Variants in STX18 observed in about 807,000 individuals in gnomAD.
The protein encoded by STX18 is syntaxin-18.
Under a neutral mutation model 50.1 loss-of-function variants are expected in STX18, and 40 were observed. The observed-to-expected ratio is 0.80, with a 90% CI of 0.62 to 1.04. The LOEUF is 1.04. Ranked by LOEUF, STX18 falls within the 50% of genes least tolerant of loss-of-function variation. The pLI is 0.00. For synonymous variants in STX18, 158 were observed against 151.8 expected, an observed-to-expected ratio of 1.04 and a Z score of -0.30; for missense variants, 410 against 415.8, an observed-to-expected ratio of 0.99 and a Z score of 0.12.
chr4:4,472,885 T>A (rs750733514), intron 1 of STX18, among the ~76,000 whole-genome samples: 5 of 152,188 alleles, frequency 3.3e-5, no homozygotes, highest in Non-Finnish European at 7.3e-5. Context: ...ATTTCCCACA[T>A]AGTCTAGACT....
At chr4:4,426,786 T>C (rs767269367) in intron 7 of STX18, among the ~76,000 whole-genome samples, 6 of 152,190 alleles carry the variant, frequency 3.9e-5, no homozygotes, top group Non-Finnish European at 1.5e-5. Flanking sequence ...TGATCTCAAG[T>C]GCTGGTCATG....
chr4:4,471,726 C>G lies in STX18; in HGVS notation c.169-20G>C. 1.3e-6 allele frequency: 2 copies of G among 1,541,238 alleles called. No individual in the cohort carries two copies. The highest frequency in any genetic ancestry group is 1.7e-4 in the Middle Eastern group (1 of 5,766). ...AGAAATCTAAAATTAAAAAAGAAAGCCAACAGTTTATATAGATATGTTACA... is the reference window on the plus strand; with the variant it reads ...AGAAATCTAAAATTAAAAAAGAAAGGCAACAGTTTATATAGATATGTTACA... On this transcript the variant is annotated intron_variant, in intron 1 of 10. Coordinates refer to ENST00000306200, the MANE Select transcript of STX18 (RefSeq NM_016930.4).
Position 4,498,562 on chromosome 4 carries a change from T to C in STX18, c.169-26856A>G, listed in dbSNP as rs182301887. Among the ~76,000 whole-genome samples the C allele has an allele frequency of 3.0e-3, 464 of 152,310 alleles. 3 individuals are homozygous for C. The highest frequency in any genetic ancestry group is 0.011 in the African/African-American group (445 of 41,584). On this transcript the variant is annotated intron_variant, in intron 1 of 10. Transcript: ENST00000306200. ...ACCTGTGTTTGGATTATCTATATCA[T>C]TGCTCCAATCCAAAATCAAAGACTT...
intron 1 of STX18, among the ~76,000 whole-genome samples, chr4:4,511,872 A>G (rs964101423): frequency 3.3e-5 from 5 of 152,020 alleles, no homozygotes; most frequent in African/African-American, 4.8e-5. Context: ...GGATGGGTTA[A>G]AGTTCAGGTT....
chr4:4,471,509 C>T (rs1402138279), intron 2 of STX18, 130 bp downstream of exon 2: 2 of 579,498 alleles, frequency 3.5e-6, no homozygotes, highest in East Asian at 6.3e-5. Context: ...GATTTTTCCA[C>T]TGCCAAACTG....
intron 5 of STX18, 74 bp downstream of exon 5, chr4:4,457,117 G>A: frequency 7.4e-7 from 1 of 1,359,936 alleles, no homozygotes; most frequent in Non-Finnish European, 1.0e-6. Context: ...TAGGGTAAGT[G>A]CTCTACAAAC....
intron 5 of STX18, among the ~76,000 whole-genome samples, chr4:4,438,779 T>C (rs1452422172): frequency 6.6e-6 from 1 of 151,894 alleles, no homozygotes; most frequent in Non-Finnish European, 1.5e-5. Flanking sequence ...CTGCAGTTGG[T>C]ATGTGCTGAA....
intron 1 of STX18, among the ~76,000 whole-genome samples, chr4:4,527,191 A>G (rs950682128): frequency 2.0e-5 from 3 of 152,194 alleles, no homozygotes; most frequent in Non-Finnish European, 4.4e-5. Context: ...CCAATCAACC[A>G]TCACATTCTA....
At chr4:4,466,162 C>T (rs1015694937) in intron 2 of STX18, among the ~76,000 whole-genome samples, 4 of 152,056 alleles carry the variant, frequency 2.6e-5, no homozygotes, top group African/African-American at 9.7e-5. Flanking sequence ...GGAGAGATGG[C>T]TTTCAGATAG....
chr4:4,438,795 T>C (rs1362294085), intron 5 of STX18, among the ~76,000 whole-genome samples: 2 of 151,846 alleles, frequency 1.3e-5, no homozygotes, highest in Non-Finnish European at 2.9e-5. Flanking sequence ...CTGAATACGC[T>C]CCATAGACTG....
chr4:4,457,610 G>T, intron 3 of STX18, 110 bp from the exon 4 acceptor site: 1 of 783,514 alleles, frequency 1.3e-6, no homozygotes, highest in Non-Finnish European at 2.1e-6. Context: ...TTAAAACACA[G>T]CTATAAAACA....
At chr4:4,431,151 C>T (rs1189968266) in intron 7 of STX18, among the ~76,000 whole-genome samples, 3 of 151,898 alleles carry the variant, frequency 2.0e-5, no homozygotes, top group Non-Finnish European at 2.9e-5. Context: ...TAGCTATTTC[C>T]TTTATGAAGA....
At chr4:4,424,802 C>T (rs1344662535) in intron 8 of STX18, among the ~76,000 whole-genome samples, 1 of 152,182 alleles carries the variant, frequency 6.6e-6, no homozygotes, top group Non-Finnish European at 1.5e-5. Context: ...GAGGGCTTCC[C>T]TTGGTTAGCT....
chr4:4,531,491 G>A (rs1023697444), intron 1 of STX18, among the ~76,000 whole-genome samples: 3 of 152,094 alleles, frequency 2.0e-5, no homozygotes, highest in Admixed American at 6.5e-5. Flanking sequence ...ATATAGGATC[G>A]CCATTGATGT....
intron 9 of STX18, among the ~76,000 whole-genome samples, chr4:4,422,904 CTAAAA>C (rs1339992396): frequency 6.6e-6 from 1 of 152,180 alleles, no homozygotes; most frequent in Non-Finnish European, 1.5e-5. Flanking sequence ...TCTTTGGATG[CTAAAA>C]ATAAAAGGGC....
intron 1 of STX18, among the ~76,000 whole-genome samples, chr4:4,486,634 G>A (rs527863611): frequency 7.2e-5 from 11 of 152,132 alleles, no homozygotes; most frequent in Non-Finnish European, 1.3e-4. Context: ...ACTGGCTTGA[G>A]GACTCATTAG....
intron 2 of STX18, among the ~76,000 whole-genome samples, chr4:4,466,880 T>G (rs1380743290): frequency 6.6e-6 from 1 of 152,112 alleles, no homozygotes; most frequent in Non-Finnish European, 1.5e-5. Flanking sequence ...CCCTGAAGAT[T>G]TGGAGGCTCG....
chr4:4,451,452 T>A (rs1483694924), intron 5 of STX18, among the ~76,000 whole-genome samples: 2 of 152,252 alleles, frequency 1.3e-5, no homozygotes, highest in African/African-American at 4.8e-5. Flanking sequence ...ACTCTGCAGA[T>A]ATTGCATTTT....
At chr4:4,507,812 CAGTA>C in intron 1 of STX18, 1 of 306,484 alleles carries the variant, frequency 3.3e-6, no homozygotes, top group African/African-American at 4.0e-5. Context: ...AATATATTCA[CAGTA>C]AAAAAAAAAA....
Sources: gnomAD v4.1 joint callset for allele counts (sites outside exome capture counted in the v4.1 genomes callset) on GRCh38, gnomAD v4.1.1 for gene constraint, MANE v1.5 for transcripts, NCBI Gene and HGNC (gene_info 2026-07-23, HGNC 2026-07-21) for gene names.